Variants in PIEZO1 observed in about 807,000 individuals in gnomAD.
PIEZO1 encodes the protein piezo type mechanosensitive ion channel component 1 (Er blood group), also known as piezo-type mechanosensitive ion channel component 1.
Under a neutral mutation model 297.2 loss-of-function variants are expected in PIEZO1, and 296 were observed. The observed-to-expected ratio is 1.00, with a 90% CI of 0.91 to 1.10. The LOEUF is 1.10. Ranked by LOEUF, PIEZO1 falls within the 50% of genes least tolerant of loss-of-function variation. PIEZO1 has a pLI of 0.00. For missense variants in PIEZO1, 5,018 were observed against 3,455.5 expected (o/e 1.45, Z -11.34); for synonymous variants, 2,427 against 1,507.5 (o/e 1.61, Z -14.13).
At chr16:88,731,529 GAGAGAC>G (rs1341277580) in intron 22 of PIEZO1, 171 bp downstream of exon 22, 5 of 592,856 alleles carry the variant, frequency 8.4e-6, no homozygotes, top group East Asian at 5.6e-5. Context: ...GGCCGCCCCC[GAGAGAC>G]AGGATGCAGG....
Position 88,729,876 on chromosome 16 carries a change from C to T in PIEZO1, c.3196+1830G>A, listed in dbSNP as rs533725203. Among the ~76,000 whole-genome samples the T allele has an allele frequency of 2.5e-3, 375 of 150,818 alleles. 2 individuals are homozygous for T. The highest frequency in any genetic ancestry group is 8.9e-3 in the African/African-American group (361 of 40,586). On this transcript the variant is annotated intron_variant, in intron 22 of 50. Transcript: ENST00000301015. ...CTGGGGAACCCAGGACATGCTGAACCCACAGCCCCATCTGCCACAGAGGGA... is the reference window on the plus strand; with the variant it reads ...CTGGGGAACCCAGGACATGCTGAACTCACAGCCCCATCTGCCACAGAGGGA...
chr16:88,737,344 G>A (rs1450295568), intron 10 of PIEZO1: 3 of 533,720 alleles, frequency 5.6e-6, no homozygotes, highest in African/African-American at 4.1e-5. Flanking sequence ...GCTGCCCTGG[G>A]GGTCTTGGGG....
Position 88,723,171 on chromosome 16 carries a change from G to T in PIEZO1, c.4439-20C>A, listed in dbSNP as rs1298074519. 1 of 1,549,470 alleles carries T rather than the reference G, an allele frequency of 6.5e-7. No homozygotes were observed. The highest frequency in any genetic ancestry group is 8.7e-7 in the Non-Finnish European group (1 of 1,146,822). ...CACCTCCTGGGCACAGGATGCTGGT[G>T]AGTGACTGGCAGTCCCGCGGCTTCC... On this transcript the variant is annotated intron_variant, in intron 32 of 50. Coordinates refer to ENST00000301015, the MANE Select transcript of PIEZO1 (RefSeq NM_001142864.4).
At chr16:88,736,565 G>A (rs1043280949) in intron 11 of PIEZO1, 74 bp downstream of exon 11, 54 of 1,246,782 alleles carry the variant, frequency 4.3e-5, no homozygotes, top group South Asian at 3.9e-4. Context: ...GCTGCCCAGC[G>A]CACCCCACCC....
rs1270784814 is a variant in PIEZO1 at position 88,736,216 on chromosome 16, C to T, written c.1489G>A (p.Gly497Ser). 1 of 1,549,894 alleles carries T rather than the reference C, an allele frequency of 6.5e-7. No homozygotes were observed. The highest frequency in any genetic ancestry group is 8.7e-7 in the Non-Finnish European group (1 of 1,146,774). Residue 497 changes from glycine (G) to serine (S), a missense_variant, in exon 12 of 51, where the codon GGC becomes AGC. Transcript: ENST00000301015. Reference protein sequence around the residue: ...DLRPELPTTLGPVSLRQLGLE... With the variant: ...DLRPELPTTLSPVSLRQLGLE... ...CCCAGCTGGCGCAGGCTGACGGGGC[C>T]CAGGGTGGTGGGCAGCTCAGGGCGC... is the stretch of plus-strand genomic sequence containing the variant.
chr16:88,721,715 G>T lies in PIEZO1; in HGVS notation c.5226C>A (p.Val1742=), dbSNP rs986714668. 1.4e-5 allele frequency: 22 copies of T among 1,542,890 alleles called. No homozygotes were observed. The East Asian group carries it at 2.7e-4, about 19-fold the overall frequency. Residue 1742 remains valine, a synonymous_variant, in exon 38 of 51, where the codon GTC becomes GTA. Coordinates refer to ENST00000301015, the MANE Select transcript of PIEZO1 (RefSeq NM_001142864.4). ...ACCCAAACTGGAACAGGTACTTGAC[G>T]ACCACCGCGATCTGTGGGGGAGGGG... ...TAIVFTEIAV[V]VKYLFQFGFF...
chr16:88,737,854 C>G (rs182245342), intron 8 of PIEZO1, 40 bp from the exon 9 acceptor site: 1 of 1,533,290 alleles, frequency 6.5e-7, no homozygotes, highest in Non-Finnish European at 8.7e-7. Context: ...CAGCTCCACA[C>G]CCCACCCAGA....
chr16:88,721,000 G>A lies in PIEZO1; in HGVS notation c.5668+166C>T, dbSNP rs189309337. Among the ~76,000 whole-genome samples, 18 of 152,256 alleles carry A rather than the reference G, an allele frequency of 1.2e-4. No individual in the cohort carries two copies. The East Asian group carries it at 2.7e-3, about 23-fold the overall frequency. ...ATCCCCGGGGGCAGCAGTCAGGGAC[G>A]GCTCTGTAGGCAGAGCCGGGAGCTG... On this transcript the variant is annotated intron_variant, in intron 39 of 50. Transcript: ENST00000301015.
intron 3 of PIEZO1, 22 bp from the exon 4 acceptor site, chr16:88,742,117 C>T (rs895690344): frequency 6.5e-7 from 1 of 1,535,636 alleles, no homozygotes; most frequent in East Asian, 2.4e-5. Flanking sequence ...GACGGGGGAA[C>T]CCAGGTCAGG....
chr16:88,783,736 T>G (rs1567492760), intron 1 of PIEZO1, among the ~76,000 whole-genome samples: 1 of 152,146 alleles, frequency 6.6e-6, no homozygotes, highest in Non-Finnish European at 1.5e-5. Flanking sequence ...CTCTCCAGCC[T>G]CAATGGTTTT....
intron 12 of PIEZO1, among the ~76,000 whole-genome samples, 182 bp from the exon 13 acceptor site, chr16:88,735,428 C>T (rs1010254163): frequency 3.9e-5 from 6 of 152,244 alleles, no homozygotes; most frequent in Non-Finnish European, 5.9e-5. Flanking sequence ...CAGAGGCACA[C>T]GAGCACACAC....
Position 88,738,672 on chromosome 16 carries a change from G to C in PIEZO1, c.530C>G (p.Ala177Gly), listed in dbSNP as rs998013737. The C allele has an allele frequency of 2.0e-6, 3 of 1,535,286 alleles. No individual in the cohort carries two copies. Among genetic ancestry groups the C allele is most frequent in the African/African-American group, 1.4e-5 (1 of 73,046 alleles). The part of the protein sequence containing the change: ...TAGLQEAATL[A>G]PTRRSRLAAR... ...GGCCAGCCGTGACCTCCGTGTAGGG[G>C]CCAGCGTTGCTGCTTCCTGCAGCCC... Residue 177 changes from alanine to glycine, a missense_variant, in exon 6 of 51, where the codon GCC becomes GGC. By Grantham distance (60) the Ala-to-Gly change is moderately conservative (BLOSUM62 0). Coordinates refer to ENST00000301015, the MANE Select transcript of PIEZO1 (RefSeq NM_001142864.4).
At position 88,715,534 on chromosome 16, in the gene PIEZO1, G is replaced by A. The variant is rs182627221; in HGVS notation, c.*71C>T. 631 of 1,446,846 alleles carry A rather than the reference G, an allele frequency of 4.4e-4. 4 individuals carry two copies. In the African/African-American group the frequency reaches 8.4e-3, roughly 19 times the overall value. 89.6% of individuals were successfully genotyped at this position (1,446,846 alleles called of 1,614,324 possible). A position where few individuals can be genotyped will look rare whatever the true frequency, so the allele number is the denominator to read the frequency against. On this transcript the variant is annotated 3_prime_UTR_variant, in exon 51 of 51. Transcript: ENST00000301015. ...CGGGGCAGTGGCTCCCCCGGCCTGAGGAGTGCCGCCCCTTGTGGCCACGCT... is the reference window on the plus strand; with the variant it reads ...CGGGGCAGTGGCTCCCCCGGCCTGAAGAGTGCCGCCCCTTGTGGCCACGCT...
chr16:88,718,318 A>C (rs1912195130), intron 44 of PIEZO1: 1 of 152,750 alleles, frequency 6.5e-6, no homozygotes, highest in South Asian at 2.1e-4. Context: ...CTGCTATGGA[A>C]AACCAGCAGC....
chr16:88,725,358 A>C, intron 29 of PIEZO1, 58 bp downstream of exon 29: 2 of 1,067,196 alleles, frequency 1.9e-6, no homozygotes, highest in Non-Finnish European at 2.6e-6. Context: ...AGCACACGCC[A>C]GCAGGCACAG....
chr16:88,767,962 C>T (rs1443309581), intron 1 of PIEZO1, among the ~76,000 whole-genome samples: 1 of 152,214 alleles, frequency 6.6e-6, no homozygotes, highest in African/African-American at 2.4e-5. Context: ...TTCTCCCGCT[C>T]CCTCCCCCGG....
chr16:88,734,904 G>C lies in PIEZO1; in HGVS notation c.1819C>G (p.Leu607Val), dbSNP rs1238989378. 6.5e-7 allele frequency: 1 copy of C among 1,550,280 alleles called. No homozygotes were observed. Among genetic ancestry groups the C allele is most frequent in the Non-Finnish European group, 8.7e-7 (1 of 1,146,982 alleles). Residue 607 changes from leucine to valine, a missense_variant, in exon 14 of 51, where the codon CTC (leucine) becomes GTC (valine). Physicochemically the swap from Leu to Val is conservative, Grantham distance 32. Coordinates refer to ENST00000301015, the MANE Select transcript of PIEZO1 (RefSeq NM_001142864.4). ...AAGAGGGTGAGGCAGAGCAGGAAGA[G>C]GAACATGTAGACAATCTTGTAGACC... is the stretch of plus-strand genomic sequence containing the variant. The part of the protein sequence containing the change: ...LVVYKIVYMF[L>V]FLLCLTLFQV...
intron 1 of PIEZO1, among the ~76,000 whole-genome samples, chr16:88,769,865 T>A (rs574052989): frequency 2.1e-4 from 32 of 152,258 alleles, no homozygotes; most frequent in Non-Finnish European, 4.1e-4. Context: ...CTGCGCAGGT[T>A]AGAGGGAACA....
Position 88,727,139 on chromosome 16 carries a change from C to G in PIEZO1, c.3355G>C (p.Glu1119Gln). 6.5e-7 allele frequency: 1 copy of G among 1,549,544 alleles called. No individual in the cohort carries two copies. Among genetic ancestry groups the G allele is most frequent in the South Asian group, 1.2e-5 (1 of 84,046 alleles). Residue 1119 changes from glutamate to glutamine, a missense_variant, in exon 24 of 51, where the codon GAG becomes CAG. Coordinates refer to ENST00000301015, the MANE Select transcript of PIEZO1 (RefSeq NM_001142864.4). ...ASQQWQVFSAERTEEWQRMAG... is the reference protein window; with the variant it reads ...ASQQWQVFSAQRTEEWQRMAG... ...ATGCGCTGCCACTCCTCTGTGCGCT[C>G]AGCTGAGAACACCTGCCACTGCTGG... is the stretch of plus-strand genomic sequence containing the variant.
Sources: gnomAD v4.1 joint callset for allele counts (sites outside exome capture counted in the v4.1 genomes callset) on GRCh38, gnomAD v4.1.1 for gene constraint, MANE v1.5 for transcripts, NCBI Gene and HGNC (gene_info 2026-07-23, HGNC 2026-07-21) for gene names.